Variants in ADPRHL1 observed in about 807,000 individuals in gnomAD.
ADPRHL1 encodes the protein inactive ADP-ribosyltransferase ARH2.
Under a neutral mutation model 44.1 loss-of-function variants are expected in ADPRHL1, and 43 were observed. That is an observed-to-expected ratio of 0.98 (90% confidence interval 0.76 to 1.26). The LOEUF (loss-of-function observed/expected upper bound fraction) is 1.26, where lower values mean the gene tolerates loss of function less well. ADPRHL1 is among the 50% of genes most tolerant of loss of function. The pLI is 0.00. For synonymous variants in ADPRHL1, 878 were observed against 1,017.4 expected, an observed-to-expected ratio of 0.86 and a Z score of 2.61; for missense variants, 2,022 against 2,496.9, an observed-to-expected ratio of 0.81 and a Z score of 4.05.
chr13:113,445,840 C>A (rs1319877112), intron 1 of ADPRHL1, among the ~76,000 whole-genome samples: 1 of 142,796 alleles, frequency 7.0e-6, no homozygotes, highest in African/African-American at 2.7e-5. Flanking sequence ...GCTGCAAACC[C>A]CTGGCGAGAG....
chr13:113,419,986 C>T (rs2043907245), intron 7 of ADPRHL1, among the ~76,000 whole-genome samples: 1 of 152,042 alleles, frequency 6.6e-6, no homozygotes, highest in Non-Finnish European at 1.5e-5. Flanking sequence ...CACACAGGCA[C>T]ACAGCTCGGG....
chr13:113,424,106 G>A, intron 6 of ADPRHL1, 111 bp downstream of exon 6: 1 of 1,417,222 alleles, frequency 7.1e-7, no homozygotes, highest in Non-Finnish European at 9.5e-7. Flanking sequence ...GCACATGCTG[G>A]AGCTCAGGAG....
intron 7 of ADPRHL1, among the ~76,000 whole-genome samples, chr13:113,416,396 G>T (rs2043887674): frequency 6.6e-6 from 1 of 152,052 alleles, no homozygotes; most frequent in Admixed American, 6.6e-5. Context: ...CCAACGAAGG[G>T]ATGTCTAGTC....
At chr13:113,421,051 T>C (rs9577543) in intron 7 of ADPRHL1, among the ~76,000 whole-genome samples, 94,386 of 101,182 alleles carry the variant, frequency 0.93, 43,999 homozygotes, top group Non-Finnish European at 0.98. Flanking sequence ...ATGCCTACCC[T>C]GGGACATCCC....
In ADPRHL1 at chr13:113,403,244, G is replaced by A. The variant is rs961365373; in HGVS notation, c.*134C>T. The A allele has an allele frequency of 1.2e-6, 1 of 805,340 alleles. No individual in the cohort carries two copies. The highest frequency in any genetic ancestry group is 1.7e-6 in the Non-Finnish European group (1 of 599,144). The allele number at this position is 805,340 out of a possible 1,614,324, so 49.9% of individuals were successfully genotyped here. A position where few individuals can be genotyped will look rare whatever the true frequency, so the allele number is the denominator to read the frequency against. ...CCTCCCAAGGTCAGCTTGTGAAGAA[G>A]GGAAAGAAAATTATGGAAACAGGCG... On this transcript the variant is annotated 3_prime_UTR_variant, in exon 8 of 8. Transcript: ENST00000612156.
Position 113,407,573 on chromosome 13 carries a change from AGCCT to A in ADPRHL1, c.1705_1708del (p.Arg569CysfsTer120), listed in dbSNP as rs1330429125. 3 of 1,232,058 alleles carry A rather than the reference AGCCT, an allele frequency of 2.4e-6. No individual in the cohort carries two copies. The highest frequency in any genetic ancestry group is 2.0e-6 in the Non-Finnish European group (2 of 988,084). The allele number at this position is 1,232,058 out of a possible 1,614,324, so 76.3% of individuals were successfully genotyped here. A position where few individuals can be genotyped will look rare whatever the true frequency, so the allele number is the denominator to read the frequency against. ...CCTCTTCTTCCGCTCCTGCGTGTGC[AGCCT>A]CAGCGCACTGGCCTCGGAGCACAGG... On this transcript the variant is annotated frameshift_variant, in exon 8 of 8. Transcript: ENST00000612156. LOFTEE classifies it low-confidence loss of function (END_TRUNC).
chr13:113,439,303 A>C (rs2044081523), intron 2 of ADPRHL1, among the ~76,000 whole-genome samples: 1 of 152,086 alleles, frequency 6.6e-6, no homozygotes, highest in Non-Finnish European at 1.5e-5. Flanking sequence ...TTGTATTTTT[A>C]GTAGAGGAGA....
Position 113,444,420 on chromosome 13 carries a change from C to T in ADPRHL1, c.379+5G>A. 6.2e-7 allele frequency: 1 copy of T among 1,613,422 alleles called. No homozygotes were observed. On this transcript the variant is annotated splice_donor_5th_base_variant and intron_variant, in intron 2 of 7. Transcript: ENST00000612156. ...TTTAGGGGGAGAGGAGAGGATTTCC[C>T]TGACCTTTTTCATTGAACGGTGTGT...
intron 2 of ADPRHL1, among the ~76,000 whole-genome samples, chr13:113,435,228 ACCCAGG>A (rs2139636220): frequency 5.7e-5 from 1 of 17,684 alleles, no homozygotes; most frequent in Non-Finnish European, 1.5e-4. Context: ...GGGACCCAGC[ACCCAGG>A]TGTAGAGTGA....
At chr13:113,446,037 CCA>C (rs1247408912) in intron 1 of ADPRHL1, among the ~76,000 whole-genome samples, 26 of 147,152 alleles carry the variant, frequency 1.8e-4, no homozygotes, top group African/African-American at 6.3e-4. Context: ...GCTGCAAACC[CCA>C]CAGAGAGAGC....
At chr13:113,422,370 G>C in intron 7 of ADPRHL1, 1 of 158,326 alleles carries the variant, frequency 6.3e-6, no homozygotes, top group Admixed American at 6.0e-5. Context: ...GAGGGTGGGG[G>C]GTGGGGGGAG....
At position 113,405,396 on chromosome 13, in the gene ADPRHL1, C is replaced by A; in HGVS notation, c.3886G>T (p.Ala1296Ser). 1 of 1,231,986 alleles carries A rather than the reference C, an allele frequency of 8.1e-7. No homozygotes were observed. Among genetic ancestry groups the A allele is most frequent in the Non-Finnish European group, 1.0e-6 (1 of 988,140 alleles). The allele number at this position is 1,231,986 out of a possible 1,614,324, so 76.3% of individuals were successfully genotyped here. The change falls in exon 8 of 8, where the codon GCA becomes TCA. Residue 1296 changes from alanine to serine, a missense_variant. Coordinates refer to ENST00000612156, the MANE Select transcript of ADPRHL1 (RefSeq NM_001394807.1). ...LPPSPPENPQAKGREGVRFPR... is the reference protein window; with the variant it reads ...LPPSPPENPQSKGREGVRFPR... ...AACCTGACGCCCTCCCTGCCCTTTG[C>A]CTGTGGGTTCTCAGGAGGCGACGGC... is the stretch of plus-strand genomic sequence containing the variant.
At chr13:113,437,315 C>T (rs1352866619) in intron 2 of ADPRHL1, among the ~76,000 whole-genome samples, 2 of 150,904 alleles carry the variant, frequency 1.3e-5, no homozygotes, top group Non-Finnish European at 3.0e-5. Context: ...ACAGGTGTAC[C>T]CCATGACCCA....
intron 1 of ADPRHL1, among the ~76,000 whole-genome samples, chr13:113,450,742 A>G (rs1253789700): frequency 2.0e-5 from 3 of 152,112 alleles, no homozygotes; most frequent in Non-Finnish European, 4.4e-5. Context: ...GATAGTACTA[A>G]TTTTTCACTA....
At chr13:113,418,058 G>A (rs991616508) in intron 7 of ADPRHL1, among the ~76,000 whole-genome samples, 1 of 152,242 alleles carries the variant, frequency 6.6e-6, no homozygotes, top group African/African-American at 2.4e-5. Context: ...GAGGGCTGTG[G>A]TGGTGGTGAG....
rs1270575601 is a variant in ADPRHL1 at position 113,453,245 on chromosome 13, T to A, written c.193A>T (p.Thr65Ser). The change falls in exon 1 of 8, where the codon ACC becomes TCC. Residue 65 changes from threonine (T) to serine (S), a missense_variant. Around this residue, in one of 8 missense-constraint regions of ADPRHL1, gnomAD observed 437 missense variants for 430.7 expected, o/e 1.01. Transcript: ENST00000612156. The surrounding 1 kb of genome is among the most constrained non-coding windows in gnomAD (Gnocchi z 5.4). Reference protein sequence around the residue: ...VSDNTIMHIATAEALTTDYWC... With the variant: ...VSDNTIMHIASAEALTTDYWC... ...CTACCTGTGGTGAGGGCCTCGGCGG[T>A]TGCGATGTGCATGATGGTGTTGTCA... The A allele has an allele frequency of 6.2e-7, 1 of 1,614,038 alleles. No individual in the cohort carries two copies.
rs74115889 is a variant in ADPRHL1, at chr13:113,441,371, T to G, written c.379+3054A>C. Among the ~76,000 whole-genome samples, 1,861 of 152,256 alleles carry G rather than the reference T, an allele frequency of 0.012. 41 individuals carry two copies. The highest frequency in any genetic ancestry group is 0.042 in the African/African-American group (1,741 of 41,526). The stretch of plus-strand genomic sequence containing the variant: ...TTGGGTTGAATGTTTCTCAAGGGAT[T>G]CAATTTTAACTCTTTTGCTGGGGCT... On this transcript the variant is annotated intron_variant, in intron 2 of 7. Coordinates refer to ENST00000612156, the MANE Select transcript of ADPRHL1 (RefSeq NM_001394807.1). The surrounding 1 kb of genome is among the most constrained non-coding windows in gnomAD (Gnocchi z 6.0).
intron 2 of ADPRHL1, among the ~76,000 whole-genome samples, chr13:113,436,855 C>T (rs1441360003): frequency 2.4e-5 from 3 of 126,150 alleles, no homozygotes; most frequent in Non-Finnish European, 5.1e-5. Flanking sequence ...AGGTGTACCC[C>T]GGGACCCGGC....
chr13:113,410,059 G>A, intron 7 of ADPRHL1: 1 of 985,436 alleles, frequency 1.0e-6, no homozygotes, highest in Non-Finnish European at 1.2e-6. Flanking sequence ...AAGCAGCCCT[G>A]ATGGAGGAGG....
Sources: allele counts gnomAD v4.1 joint callset (sites outside exome capture counted in the v4.1 genomes callset), GRCh38; gene constraint gnomAD v4.1.1; regional missense constraint gnomAD v4.1.1; non-coding constraint Gnocchi (gnomAD v3.1); transcripts MANE v1.5; gene names NCBI Gene and HGNC (gene_info 2026-07-23, HGNC 2026-07-21).